REV3L: variants seen among roughly 807,000 people sequenced by gnomAD.
The protein encoded by REV3L is REV3 like, DNA directed polymerase zeta catalytic subunit, also known as DNA polymerase zeta catalytic subunit.
Under a neutral mutation model 299.4 loss-of-function variants are expected in REV3L, and 69 were observed. The observed-to-expected ratio is 0.23, with a 90% confidence interval of 0.19 to 0.28. The LOEUF is 0.28. REV3L is among the 10% of genes least tolerant of loss of function. REV3L has a pLI of 1.00. For synonymous variants in REV3L, 1,238 were observed against 1,271.4 expected, an observed-to-expected ratio of 0.97 and a Z score of 0.56; for missense variants, 3,128 against 3,693.8, an observed-to-expected ratio of 0.85 and a Z score of 3.97.
chr6:111,307,804 T>TA, intron 30 of REV3L: 2 of 493,802 alleles, frequency 4.1e-6, no homozygotes, highest in East Asian at 3.6e-5. Context: ...ACATTTTTTT[T>TA]TTATTATTAT....
chr6:111,473,890 G>C (rs1290478877), intron 1 of REV3L, among the ~76,000 whole-genome samples: 1 of 152,008 alleles, frequency 6.6e-6, no homozygotes, highest in Non-Finnish European at 1.5e-5. Flanking sequence ...ACAAATCCCT[G>C]AGCCTGCTAT....
intron 9 of REV3L, among the ~76,000 whole-genome samples, chr6:111,382,928 G>A (rs1582782168): frequency 6.6e-6 from 1 of 152,150 alleles, no homozygotes; most frequent in South Asian, 2.1e-4. Context: ...CAGTAGAGGA[G>A]GTAGAGTCGT....
chr6:111,455,279 C>A (rs1167086799), intron 1 of REV3L, among the ~76,000 whole-genome samples: 1 of 152,058 alleles, frequency 6.6e-6, no homozygotes, highest in Non-Finnish European at 1.5e-5. Context: ...GGCATTCAGT[C>A]ATTTCATAAG....
chr6:111,436,870 AG>A (rs1398967435), intron 1 of REV3L, among the ~76,000 whole-genome samples: 1 of 152,254 alleles, frequency 6.6e-6, no homozygotes, highest in Non-Finnish European at 1.5e-5. Flanking sequence ...ATGTAAATGT[AG>A]TAAATTATCA....
chr6:111,444,999 C>G (rs1254175520), intron 1 of REV3L, among the ~76,000 whole-genome samples: 1 of 152,202 alleles, frequency 6.6e-6, no homozygotes, highest in Non-Finnish European at 1.5e-5. Context: ...CTAACCTAGG[C>G]AGTCAAGCAA....
chr6:111,310,268 G>T, intron 29 of REV3L, 169 bp from the exon 30 acceptor site: 1 of 753,884 alleles, frequency 1.3e-6, no homozygotes, highest in Non-Finnish European at 1.9e-6. Flanking sequence ...ATTTTGCTTA[G>T]TTGACACCAA....
At chr6:111,430,650 G>T in intron 1 of REV3L, 1 of 1,521,654 alleles carries the variant, frequency 6.6e-7, no homozygotes, top group Non-Finnish European at 9.1e-7. Context: ...GCCGAGAAGA[G>T]AGAGGACTCT....
intron 31 of REV3L, among the ~76,000 whole-genome samples, chr6:111,304,962 A>T (rs1772109584): frequency 6.9e-6 from 1 of 145,774 alleles, no homozygotes; most frequent in Non-Finnish European, 1.5e-5. Flanking sequence ...TTTTTTTGAG[A>T]CAGAGTTTCG....
rs1772392482 is a variant in REV3L at position 111,307,079 on chromosome 6, G to C, written c.9252+282C>G. Among the ~76,000 whole-genome samples the C allele has an allele frequency of 2.0e-5, 3 of 152,018 alleles. No homozygotes were observed. The South Asian group carries it at 6.2e-4, about 32-fold the overall frequency. On this transcript the variant is annotated intron_variant, in intron 31 of 31. Transcript: ENST00000368802. ...ATTTTGATTTTTCTCAATTAGGGAT[G>C]CTCAACCTGTATTATAAAAGAAATT... is the stretch of plus-strand genomic sequence containing the variant.
intron 1 of REV3L, among the ~76,000 whole-genome samples, chr6:111,457,953 A>G (rs1239139506): frequency 2.0e-5 from 3 of 152,030 alleles, no homozygotes; most frequent in African/African-American, 7.2e-5. Context: ...AGACGGCCAA[A>G]AGAAAAATAA....
intron 26 of REV3L, among the ~76,000 whole-genome samples, chr6:111,319,891 G>A (rs928658741): frequency 1.4e-4 from 21 of 151,406 alleles, no homozygotes; most frequent in East Asian, 5.8e-4. Flanking sequence ...GTGCAGTGGC[G>A]CGATTTTGGC....
At chr6:111,396,202 T>A (rs532139213) in intron 4 of REV3L, among the ~76,000 whole-genome samples, 2 of 152,114 alleles carry the variant, frequency 1.3e-5, no homozygotes, top group Admixed American at 6.5e-5. Flanking sequence ...AATTTTTTTA[T>A]TTTTTGTAGA....
chr6:111,375,383 A>T lies in REV3L; in HGVS notation c.2972T>A (p.Leu991His). ...INRFRGRKNM[L>H]VKLGKIDSKE... ...AGAGTCTATTTTTCCTAGCTTCACA[A>T]GCATATTTTTTCTCCCTCTAAATCT... Residue 991 changes from leucine (L) to histidine (H), a missense_variant, in exon 13 of 32, where the codon CTT (leucine) becomes CAT (histidine). Around this residue, in one of 9 missense-constraint regions of REV3L, gnomAD observed 2,409 missense variants for 2,611.8 expected, o/e 0.92. Transcript: ENST00000368802. 1 of 1,595,112 alleles carries T rather than the reference A, an allele frequency of 6.3e-7. No individual in the cohort carries two copies. The highest frequency in any genetic ancestry group is 8.5e-7 in the Non-Finnish European group (1 of 1,174,184).
intron 1 of REV3L, among the ~76,000 whole-genome samples, chr6:111,468,066 T>G (rs1198377342): frequency 6.6e-6 from 1 of 152,212 alleles, no homozygotes; most frequent in Non-Finnish European, 1.5e-5. Flanking sequence ...CTCCTTGGAC[T>G]GCCCGGTCAA....
chr6:111,390,210 A>T, intron 5 of REV3L, 30 bp from the exon 6 acceptor site: 3 of 1,360,236 alleles, frequency 2.2e-6, no homozygotes, highest in Non-Finnish European at 3.1e-6. Context: ...AAAACATAAT[A>T]ATTATGTGAG....
chr6:111,425,035 G>A (rs1786004245), intron 1 of REV3L, among the ~76,000 whole-genome samples: 1 of 152,128 alleles, frequency 6.6e-6, no homozygotes, highest in South Asian at 2.1e-4. Context: ...CTAATATTTT[G>A]CCTCTGGTTG....
rs896961694 is a variant in REV3L at position 111,338,819 on chromosome 6, ATAAC to A, written c.7539-3213_7539-3210del. 5.9e-5 allele frequency among the ~76,000 whole-genome samples: 9 copies of A among 152,286 alleles called. No individual in the cohort carries two copies. The South Asian group carries it at 1.0e-3, about 18-fold the overall frequency. On this transcript the variant is annotated intron_variant, in intron 21 of 31. Coordinates refer to ENST00000368802, the MANE Select transcript of REV3L (RefSeq NM_001372078.1). ...AAGAAATATTTTTACTATGCTACATATAACTAACTCTTTTTAAAAAGTGGAAATG... is the reference window on the plus strand; with the variant it reads ...AAGAAATATTTTTACTATGCTACATATAACTCTTTTTAAAAAGTGGAAATG...
chr6:111,324,630 A>T (rs1774536575), intron 25 of REV3L, among the ~76,000 whole-genome samples: 1 of 152,214 alleles, frequency 6.6e-6, no homozygotes, highest in Non-Finnish European at 1.5e-5. Context: ...TATACCCCAA[A>T]GAGTCAGAAC....
At chr6:111,450,673 T>C (rs1789428655) in intron 1 of REV3L, among the ~76,000 whole-genome samples, 1 of 151,918 alleles carries the variant, frequency 6.6e-6, no homozygotes, top group South Asian at 2.1e-4. Context: ...GAGCAAACTA[T>C]TACATATTAT....
Sources: allele counts gnomAD v4.1 joint callset (sites outside exome capture counted in the v4.1 genomes callset), GRCh38; gene constraint gnomAD v4.1.1; regional missense constraint gnomAD v4.1.1; transcripts MANE v1.5; gene names NCBI Gene and HGNC (gene_info 2026-07-23, HGNC 2026-07-21).